Variants in SLC1A7 observed in about 807,000 individuals in gnomAD.
The protein encoded by SLC1A7 is solute carrier family 1 member 7, also known as excitatory amino acid transporter 5.
SLC1A7 carries 40 observed loss-of-function variants against 47.7 expected under a neutral mutation model. The ratio of observed to expected loss-of-function variants is 0.84; its 90% CI spans 0.65 to 1.09. The LOEUF is 1.09. Ranked by LOEUF, SLC1A7 falls within the 50% of genes least tolerant of loss-of-function variation. The probability of loss-of-function intolerance (pLI) is 0.00; values close to 1 mark genes in which losing one functional copy is unlikely to be tolerated. For synonymous variants in SLC1A7, 323 were observed against 325.6 expected (o/e 0.99, Z 0.09); for missense variants, 746 against 769.5 (o/e 0.97, Z 0.36).
intron 5 of SLC1A7, among the ~76,000 whole-genome samples, chr1:53,096,413 T>A (rs1644491718): frequency 6.6e-6 from 1 of 150,498 alleles, no homozygotes; most frequent in Admixed American, 6.6e-5. Context: ...CTCGCCTCGG[T>A]ACACTCACAC....
chr1:53,093,426 T>G (rs1327252251), intron 6 of SLC1A7, 35 bp downstream of exon 6: 1 of 1,500,336 alleles, frequency 6.7e-7, no homozygotes, highest in Non-Finnish European at 9.2e-7. Context: ...CACCCAGGGC[T>G]GGCCGGGGTG....
chr1:53,136,200 A>G (rs943697725), intron 1 of SLC1A7, among the ~76,000 whole-genome samples: 150 of 147,378 alleles, frequency 1.0e-3, no homozygotes, highest in African/African-American at 3.5e-3. Context: ...TTATATATAT[A>G]TATTTTTTAG....
rs562613173 is a variant in SLC1A7, at chr1:53,142,608, C to T, written c.-159G>A. 1,480 of 717,192 alleles carry T rather than the reference C, an allele frequency of 2.1e-3. 3 individuals carry two copies. Among genetic ancestry groups the T allele is most frequent in the Non-Finnish European group, 2.7e-3 (1,238 of 453,220 alleles). The allele number at this position is 717,192 out of a possible 1,614,324, so 44.4% of individuals were successfully genotyped here. A position where few individuals can be genotyped will look rare whatever the true frequency, so the allele number is the denominator to read the frequency against. On this transcript the variant is annotated 5_prime_UTR_variant, in exon 1 of 11. Transcript: ENST00000371494. ...AGCCCCACGGCCATGCCCGTGTGGC[C>T]GCCTTAGAGGGAAGCCACAATCCTA...
intron 1 of SLC1A7, among the ~76,000 whole-genome samples, chr1:53,135,123 A>AT (rs1336153836): frequency 6.6e-6 from 1 of 152,164 alleles, no homozygotes; most frequent in Non-Finnish European, 1.5e-5. Flanking sequence ...AATCCTGAAA[A>AT]TAACAGCTCT....
At chr1:53,095,509 ACACT>A (rs1572299017) in intron 5 of SLC1A7, among the ~76,000 whole-genome samples, 2 of 148,246 alleles carry the variant, frequency 1.3e-5, no homozygotes, top group East Asian at 2.0e-4. Context: ...GTACACTCAC[ACACT>A]CTGCCTCGTT....
At chr1:53,141,958 T>C (rs12403742) in intron 1 of SLC1A7, among the ~76,000 whole-genome samples, 40,650 of 152,084 alleles carry the variant, frequency 0.27, 5,616 homozygotes, top group Middle Eastern at 0.46. Context: ...CTCTTGTCAT[T>C]TGAGCAGCCT....
In SLC1A7 at chr1:53,114,902, T is replaced by C; in HGVS notation, c.287A>G (p.Tyr96Cys). The change falls in exon 3 of 11, where the codon TAC becomes TGC. Residue 96 changes from tyrosine (Y) to cysteine (C), a missense_variant. Physicochemically the swap from Tyr to Cys is radical, Grantham distance 194. Coordinates refer to ENST00000371494, the MANE Select transcript of SLC1A7 (RefSeq NM_006671.6). ...GACAGCCATGAAGGTGGTCCACAGG[T>C]AGTACGCCACGGTGAGGACGCCCAG... ...SRLGVLTVAY[Y>C]LWTTFMAVIV... is the part of the protein sequence containing the mutation. The C allele has an allele frequency of 6.2e-7, 1 of 1,614,068 alleles. No homozygotes were observed. The highest frequency in any genetic ancestry group is 8.5e-7 in the Non-Finnish European group (1 of 1,179,994).
At chr1:53,131,717 T>C (rs977198507) in intron 2 of SLC1A7, among the ~76,000 whole-genome samples, 3 of 152,272 alleles carry the variant, frequency 2.0e-5, no homozygotes, top group Non-Finnish European at 2.9e-5. Flanking sequence ...GCACCTACTA[T>C]GTGCCTGGCA....
rs1296210535 is a variant in SLC1A7, at chr1:53,093,067, C to T, written c.798-280G>A. Among the ~76,000 whole-genome samples, 2 of 152,250 alleles carry T rather than the reference C, an allele frequency of 1.3e-5. 1 individual carries two copies. The highest frequency in any genetic ancestry group is 2.9e-5 in the Non-Finnish European group (2 of 68,048). On this transcript the variant is annotated intron_variant, in intron 6 of 10. Transcript: ENST00000371494. ...CAACGCCAGAGTCTACACAGTGCGC[C>T]TGGGCAGCCCTCCCTCTGCGTTCCC...
chr1:53,100,801 C>T (rs762032624), intron 5 of SLC1A7, among the ~76,000 whole-genome samples: 1 of 150,056 alleles, frequency 6.7e-6, no homozygotes, highest in Non-Finnish European at 1.5e-5. Context: ...TCAGTACGCT[C>T]ACACACCCGC....
rs759274735 is a variant in SLC1A7, at chr1:53,093,486, T to A, written c.772A>T (p.Met258Leu). The A allele has an allele frequency of 9.9e-6, 16 of 1,611,170 alleles. No homozygotes were observed. Among genetic ancestry groups the A allele is most frequent in the Non-Finnish European group, 1.4e-5 (16 of 1,179,826 alleles). Reference protein sequence around the residue: ...SFCQCLNESVMKIVAVAVWYF... With the variant: ...SFCQCLNESVLKIVAVAVWYF... ...CACACAGCCACCGCCACGATCTTCA[T>A]GACCGACTCATTGAGGCACTGGCAG... The change falls in exon 6 of 11, where the codon ATG becomes TTG. Residue 258 changes from methionine (M) to leucine (L), a missense_variant. Coordinates refer to ENST00000371494, the MANE Select transcript of SLC1A7 (RefSeq NM_006671.6).
At chr1:53,104,252 C>T (rs1053714708) in intron 4 of SLC1A7, among the ~76,000 whole-genome samples, 3 of 152,196 alleles carry the variant, frequency 2.0e-5, no homozygotes, top group Non-Finnish European at 4.4e-5. Context: ...ACCGTGATAG[C>T]ATCTACTGCA....
At chr1:53,090,064 T>A in intron 8 of SLC1A7, 130 bp from the exon 9 acceptor site, 1 of 924,440 alleles carries the variant, frequency 1.1e-6, no homozygotes, top group Non-Finnish European at 1.7e-6. Flanking sequence ...TGGGTAGGAA[T>A]GCCACACCAG....
chr1:53,118,997 C>T (rs1025931135), intron 2 of SLC1A7, among the ~76,000 whole-genome samples: 8 of 151,122 alleles, frequency 5.3e-5, no homozygotes, highest in African/African-American at 1.7e-4. Context: ...AACTCCGTTT[C>T]AAAAAAAAAT....
chr1:53,125,948 A>G (rs1644877517), intron 2 of SLC1A7, among the ~76,000 whole-genome samples: 1 of 152,184 alleles, frequency 6.6e-6, no homozygotes, highest in South Asian at 2.1e-4. Flanking sequence ...GGGGAGTAGG[A>G]CCATATTCAG....
intron 3 of SLC1A7, among the ~76,000 whole-genome samples, chr1:53,110,618 C>T (rs1557679003): frequency 6.6e-6 from 1 of 152,192 alleles, no homozygotes; most frequent in Non-Finnish European, 1.5e-5. Flanking sequence ...AGCACCGATA[C>T]CTCCTTCCAC....
chr1:53,107,040 C>T (rs566653039), intron 3 of SLC1A7, among the ~76,000 whole-genome samples: 11 of 151,276 alleles, frequency 7.3e-5, no homozygotes, highest in Admixed American at 6.6e-4. Flanking sequence ...CCTGTAGTCC[C>T]AGCTACTCAG....
intron 8 of SLC1A7, 33 bp from the exon 9 acceptor site, chr1:53,089,967 A>G: frequency 6.2e-7 from 1 of 1,610,460 alleles, no homozygotes; most frequent in African/African-American, 1.3e-5. Flanking sequence ...GAGGAGCAGC[A>G]GGAGGGGCAG....
intron 3 of SLC1A7, among the ~76,000 whole-genome samples, chr1:53,111,822 G>T (rs575600625): frequency 1.8e-4 from 27 of 152,300 alleles, no homozygotes; most frequent in African/African-American, 5.5e-4. Context: ...CCCTGGTATT[G>T]GATGAAGTCT....
Sources: allele counts gnomAD v4.1 joint callset (sites outside exome capture counted in the v4.1 genomes callset), GRCh38; gene constraint gnomAD v4.1.1; transcripts MANE v1.5; gene names NCBI Gene and HGNC (gene_info 2026-07-23, HGNC 2026-07-21).